The following RALYL variants were observed in gnomAD, a reference collection of about 807,000 sequenced individuals.
RALYL encodes RNA-binding Raly-like protein.
Under a neutral mutation model 35.1 loss-of-function variants are expected in RALYL, and 29 were observed. That is an observed-to-expected ratio of 0.83 (90% CI 0.61 to 1.13). The LOEUF (loss-of-function observed/expected upper bound fraction) is 1.13, where lower values mean the gene tolerates loss of function less well. Ranked by LOEUF, RALYL falls within the 50% of genes most tolerant of loss-of-function variation. The pLI, the probability that RALYL is intolerant of heterozygous loss-of-function variation, is 0.00. For missense variants in RALYL, 359 were observed against 360.4 expected (o/e 1.00, Z 0.03); for synonymous variants, 120 against 127.6 (o/e 0.94, Z 0.40).
chr8:84,500,382 T>C (rs1277260121), intron 1 of RALYL, among the ~76,000 whole-genome samples: 2 of 152,180 alleles, frequency 1.3e-5, no homozygotes, highest in Non-Finnish European at 2.9e-5. Flanking sequence ...CATATCTATA[T>C]ATGTTTTTAA....
chr8:84,586,462 C>T (rs1314428746), intron 2 of RALYL, among the ~76,000 whole-genome samples: 1 of 152,180 alleles, frequency 6.6e-6, no homozygotes, highest in Non-Finnish European at 1.5e-5. Context: ...ACTAATGACT[C>T]TCTATTTAAA....
In RALYL at chr8:84,585,998, CA is replaced by C. The variant is rs558120547; in HGVS notation, c.256+56423del. ...GATCATGAGGTCAGGAGTGCAAGACCAACCTGACCAACATGGTGAAACCCCG... is the reference window on the plus strand; with the variant it reads ...GATCATGAGGTCAGGAGTGCAAGACCACCTGACCAACATGGTGAAACCCCG... On this transcript the variant is annotated intron_variant, in intron 2 of 8. Coordinates refer to ENST00000521268, the MANE Select transcript of RALYL (RefSeq NM_173848.7). 2.0e-4 allele frequency among the ~76,000 whole-genome samples: 31 copies of C among 152,092 alleles called. No homozygotes were observed. In the East Asian group the frequency reaches 5.4e-3, roughly 27 times the overall value.
intron 2 of RALYL, among the ~76,000 whole-genome samples, chr8:84,564,231 T>G (rs2061638778): frequency 6.6e-6 from 1 of 151,756 alleles, no homozygotes. Flanking sequence ...GTAGGTGCTC[T>G]TATGTACACT....
At chr8:84,597,155 G>A (rs1814750546) in intron 2 of RALYL, among the ~76,000 whole-genome samples, 1 of 152,178 alleles carries the variant, frequency 6.6e-6, no homozygotes, top group African/African-American at 2.4e-5. Context: ...AGAACAGGCA[G>A]AAGTTTTTCT....
In RALYL at chr8:84,463,876, C is replaced by A. The variant is rs145476043; in HGVS notation, c.-23-65423C>A. On this transcript the variant is annotated intron_variant, in intron 1 of 8. Coordinates refer to ENST00000521268, the MANE Select transcript of RALYL (RefSeq NM_173848.7). The stretch of plus-strand genomic sequence containing the variant: ...ATGGTGTAGAACAATGCCATCACCC[C>A]ATATATTTCCACTTGTCTCTTTGTT... Among the ~76,000 whole-genome samples, 786 of 152,024 alleles carry A rather than the reference C, an allele frequency of 5.2e-3. 6 individuals carry two copies. Among genetic ancestry groups the A allele is most frequent in the African/African-American group, 0.018 (731 of 41,510 alleles).
chr8:84,765,809 TA>T (rs1337638154), intron 2 of RALYL, among the ~76,000 whole-genome samples: 1 of 151,148 alleles, frequency 6.6e-6, no homozygotes, highest in Non-Finnish European at 1.5e-5. Context: ...ATGACTGAAT[TA>T]TTTAGACTTC....
At chr8:84,550,938 T>G (rs999085218) in intron 2 of RALYL, among the ~76,000 whole-genome samples, 19 of 152,014 alleles carry the variant, frequency 1.2e-4, no homozygotes, top group Admixed American at 1.1e-3. Context: ...TCTATAACCA[T>G]TACCCAAGGT....
Position 84,621,451 on chromosome 8 carries a change from C to T in RALYL, c.256+91874C>T, listed in dbSNP as rs567013439. ...AGTGAGGCAATGCCTCACCCTGCTTCGGCTGGCGCACAGTGCACGCACCCA... is the reference window on the plus strand; with the variant it reads ...AGTGAGGCAATGCCTCACCCTGCTTTGGCTGGCGCACAGTGCACGCACCCA... On this transcript the variant is annotated intron_variant, in intron 2 of 8. Transcript: ENST00000521268. 2.5e-3 allele frequency among the ~76,000 whole-genome samples: 375 copies of T among 152,306 alleles called. 1 individual carries two copies. The highest frequency in any genetic ancestry group is 8.3e-3 in the African/African-American group (343 of 41,574).
intron 2 of RALYL, among the ~76,000 whole-genome samples, chr8:84,717,452 C>T (rs1379235239): frequency 6.6e-6 from 1 of 151,238 alleles, no homozygotes; most frequent in African/African-American, 2.5e-5. Context: ...GTAATTTACC[C>T]TATACTTCAA....
At chr8:84,278,447 G>T (rs1050731177) in intron 1 of RALYL, among the ~76,000 whole-genome samples, 1 of 152,208 alleles carries the variant, frequency 6.6e-6, no homozygotes, top group African/African-American at 2.4e-5. Flanking sequence ...CATTATCTTG[G>T]TGCTTAACAT....
chr8:84,911,985 G>A (rs563695549), intron 8 of RALYL, among the ~76,000 whole-genome samples: 11 of 152,218 alleles, frequency 7.2e-5, no homozygotes, highest in African/African-American at 2.4e-4. Flanking sequence ...TTTTCACCAA[G>A]TGAGAACCTC....
intron 1 of RALYL, among the ~76,000 whole-genome samples, chr8:84,337,647 C>A (rs577315713): frequency 2.6e-5 from 4 of 152,194 alleles, no homozygotes; most frequent in African/African-American, 7.2e-5. Flanking sequence ...GGTTTCTGAG[C>A]AGCTGGTAAT....
chr8:84,468,493 G>T (rs1323850013), intron 1 of RALYL, among the ~76,000 whole-genome samples: 1 of 149,118 alleles, frequency 6.7e-6, no homozygotes, highest in Non-Finnish European at 1.5e-5. Context: ...CTGGCTTGTA[G>T]GGTTTCTGCC....
chr8:84,424,862 G>A (rs554687553), intron 1 of RALYL, among the ~76,000 whole-genome samples: 7 of 151,696 alleles, frequency 4.6e-5, no homozygotes, highest in African/African-American at 9.8e-5. Context: ...TAGGCTGCTC[G>A]GGGGTCAGGG....
chr8:84,723,418 A>G (rs1285700422), intron 2 of RALYL, among the ~76,000 whole-genome samples: 1 of 152,032 alleles, frequency 6.6e-6, no homozygotes, highest in Non-Finnish European at 1.5e-5. Context: ...AGTGGTTTTC[A>G]TAAACTTAAA....
chr8:84,314,809 C>A (rs1221809033), intron 1 of RALYL, among the ~76,000 whole-genome samples: 1 of 152,042 alleles, frequency 6.6e-6, no homozygotes, highest in Non-Finnish European at 1.5e-5. Flanking sequence ...TATGTATTTT[C>A]TTAAGATATT....
intron 4 of RALYL, among the ~76,000 whole-genome samples, chr8:84,808,385 C>A (rs1463888677): frequency 6.6e-6 from 1 of 152,108 alleles, no homozygotes; most frequent in Non-Finnish European, 1.5e-5. Flanking sequence ...ATACCAGTAC[C>A]ACACCGTTTT....
chr8:84,809,453 T>TATGTC (rs1272931955), intron 4 of RALYL, among the ~76,000 whole-genome samples: 1 of 152,106 alleles, frequency 6.6e-6, no homozygotes, highest in African/African-American at 2.4e-5. Context: ...CTTTTTTGGT[T>TATGTC]ATGTCCTTTC....
rs192271862 is a variant in RALYL at position 84,654,630 on chromosome 8, G to T, written c.257-119949G>T. Among the ~76,000 whole-genome samples the T allele has an allele frequency of 2.6e-5, 4 of 151,904 alleles. No individual in the cohort carries two copies. The East Asian group carries it at 7.8e-4, about 30-fold the overall frequency. On this transcript the variant is annotated intron_variant, in intron 2 of 8. Coordinates refer to ENST00000521268, the MANE Select transcript of RALYL (RefSeq NM_173848.7). ...ACTATCCTTCTACTTTACATCTCCA[G>T]GAGTTCAATTGTTTTAATATTTAGC...
Sources: allele counts gnomAD v4.1 joint callset (sites outside exome capture counted in the v4.1 genomes callset), GRCh38; gene constraint gnomAD v4.1.1; transcripts MANE v1.5; gene names NCBI Gene and HGNC (gene_info 2026-07-23, HGNC 2026-07-21).